ACSF2: variants seen among roughly 807,000 people sequenced by gnomAD.
ACSF2 encodes medium-chain acyl-CoA ligase ACSF2, mitochondrial.
ACSF2 carries 52 observed loss-of-function variants against 79.3 expected under a neutral mutation model. The ratio of observed to expected loss-of-function variants is 0.66; its 90% confidence interval spans 0.53 to 0.83. ACSF2 has a LOEUF of 0.83. ACSF2 is among the 40% of genes least tolerant of loss of function. The pLI is 0.00. For missense variants in ACSF2, 661 were observed against 803.3 expected, an observed-to-expected ratio of 0.82 and a Z score of 2.14; for synonymous variants, 283 against 312.6, an observed-to-expected ratio of 0.91 and a Z score of 1.00.
rs560515941 is a variant in ACSF2, at chr17:50,462,366, C to T, written c.627-54C>T. ...GCATCCCTGATTCCTTCACTTCCTACCCACCCTGCCCCCTCCCTCAGCCCC... is the reference window on the plus strand; with the variant it reads ...GCATCCCTGATTCCTTCACTTCCTATCCACCCTGCCCCCTCCCTCAGCCCC... On this transcript the variant is annotated intron_variant, in intron 5 of 15. Coordinates refer to ENST00000300441, the MANE Select transcript of ACSF2 (RefSeq NM_025149.6). 2.8e-5 allele frequency: 45 copies of T among 1,602,126 alleles called. No individual in the cohort carries two copies. In the East Asian group the frequency reaches 7.8e-4, roughly 28 times the overall value.
In ACSF2 at chr17:50,429,527, T is replaced by C. The variant is rs543186435; in HGVS notation, c.128+3138T>C. Reference sequence around the variant, plus strand: ...TCAGAGTCTTTCTCTTTTTCTTTTTTTTTTATTTGAGGTGGAATTTCGCTC... The same window carrying C: ...TCAGAGTCTTTCTCTTTTTCTTTTTCTTTTATTTGAGGTGGAATTTCGCTC... On this transcript the variant is annotated intron_variant, in intron 1 of 15. Transcript: ENST00000300441. Among the ~76,000 whole-genome samples, 271 of 151,966 alleles carry C rather than the reference T, an allele frequency of 1.8e-3. 1 individual carries two copies. Among genetic ancestry groups the C allele is most frequent in the Admixed American group, 3.5e-3 (54 of 15,280 alleles).
At chr17:50,430,235 C>T (rs371139501) in intron 1 of ACSF2, among the ~76,000 whole-genome samples, 2 of 152,036 alleles carry the variant, frequency 1.3e-5, no homozygotes, top group East Asian at 1.9e-4. Context: ...AGACTGTGGA[C>T]CTAAGGGAAA....
rs1347541977 is a variant in ACSF2, at chr17:50,471,136, G to T, written c.1323+1G>T. ...GGGCAGAATTATGCCTCACACGGAG[G>T]TGAGCCCCTGACCAAGACTCCAAAG... On this transcript the variant is annotated splice_donor_variant, in intron 11 of 15. Coordinates refer to ENST00000300441, the MANE Select transcript of ACSF2 (RefSeq NM_025149.6). LOFTEE classifies it high-confidence loss of function. This position sits in a 1 kb window ranked among gnomAD's most constrained non-coding sequence, Gnocchi z 4.1. 1 of 1,613,612 alleles carries T rather than the reference G, an allele frequency of 6.2e-7. No homozygotes were observed. The highest frequency in any genetic ancestry group is 8.5e-7 in the Non-Finnish European group (1 of 1,179,626).
intron 1 of ACSF2, 95 bp from the exon 2 acceptor site, chr17:50,460,582 A>G (rs2032267717): frequency 8.7e-7 from 1 of 1,147,228 alleles, no homozygotes; most frequent in Admixed American, 2.4e-5. Flanking sequence ...ACACATTGTC[A>G]GCAGCCTACC....
rs745417714 is a variant in ACSF2 at position 50,463,526 on chromosome 17, G to A, written c.1020G>A (p.Lys340=). The change falls in exon 8 of 16, where the codon AAG becomes AAA. Residue 340 remains lysine, a synonymous_variant. Transcript: ENST00000300441. The surrounding 1 kb of genome is among the most constrained non-coding windows in gnomAD (Gnocchi z 4.6). Reference sequence around the variant, plus strand: ...CCTCTCCCATCTTCAATGGCAAGAAGGCACTGGAGGCCATCAGCAGAGAGA... The same window carrying A: ...CCTCTCCCATCTTCAATGGCAAGAAAGCACTGGAGGCCATCAGCAGAGAGA... ...ILASPIFNGK[K]ALEAISRERG... The A allele has an allele frequency of 1.2e-5, 20 of 1,614,036 alleles. No homozygotes were observed. The Admixed American group carries it at 3.3e-4, about 27-fold the overall frequency.
rs2032927889 is a variant in ACSF2, at chr17:50,468,764, A to G, written c.1216-2264A>G. On this transcript the variant is annotated intron_variant, in intron 10 of 15. Coordinates refer to ENST00000300441, the MANE Select transcript of ACSF2 (RefSeq NM_025149.6). ...CTGGGGGCAGGCGGCCAGCGCCGGCAGCAGACCAGCCAGGAGGCCGAGGCT... is the reference window on the plus strand; with the variant it reads ...CTGGGGGCAGGCGGCCAGCGCCGGCGGCAGACCAGCCAGGAGGCCGAGGCT... 6.3e-7 allele frequency: 1 copy of G among 1,590,146 alleles called. No individual in the cohort carries two copies. Among genetic ancestry groups the G allele is most frequent in the Non-Finnish European group, 8.5e-7 (1 of 1,172,236 alleles).
chr17:50,453,781 T>A (rs1355716910), intron 1 of ACSF2, among the ~76,000 whole-genome samples: 2 of 149,792 alleles, frequency 1.3e-5, no homozygotes, highest in African/African-American at 4.9e-5. Flanking sequence ...GTGTGTGTGC[T>A]GTTGTTGTTG....
chr17:50,441,787 G>A (rs998627237), intron 1 of ACSF2, among the ~76,000 whole-genome samples: 2 of 152,138 alleles, frequency 1.3e-5, no homozygotes, highest in Non-Finnish European at 2.9e-5. Context: ...CAGTGTATTA[G>A]ACATTTTCCA....
Position 50,471,096 on chromosome 17 carries a change from G to C in ACSF2, c.1284G>C (p.Gln428His). Reference sequence around the variant, plus strand: ...ACTTCCCTGAGGACACTGTGGAGCAGAAGGCAGAAAGCGTGGGCAGAATTA... The same window carrying C: ...ACTTCCCTGAGGACACTGTGGAGCACAAGGCAGAAAGCGTGGGCAGAATTA... Reference protein sequence around the residue: ...FAHFPEDTVEQKAESVGRIMP... With the variant: ...FAHFPEDTVEHKAESVGRIMP... Residue 428 changes from glutamine to histidine, a missense_variant, in exon 11 of 16, where the codon CAG (glutamine) becomes CAC (histidine). Physicochemically the swap from Gln to His is conservative, Grantham distance 24 (BLOSUM62 0). Transcript: ENST00000300441. The surrounding 1 kb of genome is among the most constrained non-coding windows in gnomAD (Gnocchi z 4.1). The C allele has an allele frequency of 1.2e-6, 2 of 1,614,058 alleles. No individual in the cohort carries two copies. The highest frequency in any genetic ancestry group is 1.7e-6 in the Non-Finnish European group (2 of 1,179,992).
At chr17:50,435,736 A>AT (rs565709937) in intron 1 of ACSF2, among the ~76,000 whole-genome samples, 1 of 152,004 alleles carries the variant, frequency 6.6e-6, no homozygotes, top group Non-Finnish European at 1.5e-5. Context: ...ATTTAAAAAA[A>AT]TTTTTTTATA....
chr17:50,461,328 G>C lies in ACSF2; in HGVS notation c.411G>C (p.Trp137Cys). Reference protein sequence around the residue: ...LGMWGPNSYAWVLMQLATAQA... With the variant: ...LGMWGPNSYACVLMQLATAQA... ...TGTGGGGACCTAACTCCTATGCATG[G>C]GTGCTCATGCAGTTGGCCACCGCCC... is the stretch of plus-strand genomic sequence containing the variant. Residue 137 changes from tryptophan to cysteine, a missense_variant, in exon 3 of 16, where the codon TGG (tryptophan) becomes TGC (cysteine). Transcript: ENST00000300441. 1 of 1,614,100 alleles carries C rather than the reference G, an allele frequency of 6.2e-7. No homozygotes were observed.
At position 50,474,140 on chromosome 17, in the gene ACSF2, C is replaced by T. The variant is rs373008530; in HGVS notation, c.1729-59C>T. On this transcript the variant is annotated intron_variant, in intron 14 of 15. Transcript: ENST00000300441. The surrounding 1 kb of genome is among the most constrained non-coding windows in gnomAD (Gnocchi z 4.2). The stretch of plus-strand genomic sequence containing the variant: ...GGCCAGGCCAGCCCCTGGTCCCCTA[C>T]CCATACCCCTGTGAGCTTGCGCAGC... 3.7e-6 allele frequency: 6 copies of T among 1,606,738 alleles called. No homozygotes were observed. The highest frequency in any genetic ancestry group is 1.3e-5 in the African/African-American group (1 of 74,900).
chr17:50,464,756 G>T, intron 10 of ACSF2: 1 of 289,882 alleles, frequency 3.4e-6, no homozygotes, highest in Admixed American at 4.4e-5. Context: ...ACCTGTTGTG[G>T]TTCTGATTGA....
At chr17:50,460,573 C>A in intron 1 of ACSF2, 104 bp from the exon 2 acceptor site, 3 of 1,048,452 alleles carry the variant, frequency 2.9e-6, no homozygotes, top group Non-Finnish European at 4.2e-6. Flanking sequence ...TGGTCTCTAA[C>A]ACATTGTCAG....
chr17:50,465,606 G>A (rs2032652617), intron 10 of ACSF2: 1 of 1,497,018 alleles, frequency 6.7e-7, no homozygotes, highest in African/African-American at 1.4e-5. Flanking sequence ...TGCTTATTAG[G>A]TAGCAGATCT....
rs1207582686 is a variant in ACSF2 at position 50,473,657 on chromosome 17, C to G, written c.1476-8C>G. 1 of 1,614,170 alleles carries G rather than the reference C, an allele frequency of 6.2e-7. No individual in the cohort carries two copies. The highest frequency in any genetic ancestry group is 1.1e-5 in the South Asian group (1 of 91,076). ...AGATGACAGGTTGCCCCTGGGCTTTCCTTACAGAGATGTCGCCACAATGAA... is the reference window on the plus strand; with the variant it reads ...AGATGACAGGTTGCCCCTGGGCTTTGCTTACAGAGATGTCGCCACAATGAA... On this transcript the variant is annotated splice_region_variant and splice_polypyrimidine_tract_variant and intron_variant, in intron 12 of 15. Transcript: ENST00000300441.
intron 10 of ACSF2, among the ~76,000 whole-genome samples, chr17:50,466,834 C>T (rs985196423): frequency 6.6e-6 from 1 of 152,222 alleles, no homozygotes; most frequent in Non-Finnish European, 1.5e-5. Context: ...GCCCCTAATT[C>T]GCTGCTCTGC....
intron 1 of ACSF2, among the ~76,000 whole-genome samples, chr17:50,458,193 C>T (rs1025144026): frequency 2.0e-5 from 3 of 152,214 alleles, no homozygotes; most frequent in Middle Eastern, 6.3e-3. Context: ...CATCCCTCTT[C>T]ACTTCATAAA....
At chr17:50,432,519 A>G (rs2030018370) in intron 1 of ACSF2, among the ~76,000 whole-genome samples, 2 of 152,186 alleles carry the variant, frequency 1.3e-5, no homozygotes, top group African/African-American at 4.8e-5. Context: ...TATGCTGAAG[A>G]TGGGAATAAA....
Sources: gnomAD v4.1 joint callset for allele counts (sites outside exome capture counted in the v4.1 genomes callset) on GRCh38, gnomAD v4.1.1 for gene constraint, Gnocchi (gnomAD v3.1) non-coding constraint, MANE v1.5 for transcripts, NCBI Gene and HGNC (gene_info 2026-07-23, HGNC 2026-07-21) for gene names.